TUSC3: variants seen among roughly 807,000 people sequenced by gnomAD.
TUSC3 encodes tumor suppressor candidate 3, also known as dolichyl-diphosphooligosaccharide--protein glycosyltransferase subunit TUSC3.
A neutral mutation model predicts 44.8 loss-of-function variants in TUSC3; 45 were observed. That is an observed-to-expected ratio of 1.00 (90% CI 0.79 to 1.29). The LOEUF is 1.29. Ranked by LOEUF, TUSC3 falls within the 50% of genes most tolerant of loss-of-function variation. TUSC3 has a pLI of 0.00. For synonymous variants in TUSC3, 212 were observed against 152.9 expected, an observed-to-expected ratio of 1.39 and a Z score of -2.85; for missense variants, 519 against 437.9, an observed-to-expected ratio of 1.19 and a Z score of -1.65.
At position 15,517,630 on chromosome 8, in the gene TUSC3, C is replaced by A. The variant is rs78927882; in HGVS notation, n.189+34147C>A. On this transcript the variant is annotated intron_variant and non_coding_transcript_variant, in intron 2 of 5. Transcript: ENST00000503191. Reference sequence around the variant, plus strand: ...CTTCCTGGAAAACTTACAAAATTTACGAATGTATACCTCAAAAGGAGACTT... The same window carrying A: ...CTTCCTGGAAAACTTACAAAATTTAAGAATGTATACCTCAAAAGGAGACTT... Among the ~76,000 whole-genome samples the A allele has an allele frequency of 4.5e-3, 633 of 141,488 alleles. 5 individuals carry two copies. The highest frequency in any genetic ancestry group is 0.016 in the African/African-American group (597 of 37,220). 92.8% of individuals were successfully genotyped at this position (141,488 alleles called of 152,430 possible). A position where few individuals can be genotyped will look rare whatever the true frequency, so the allele number is the denominator to read the frequency against.
At chr8:15,724,371 G>A (rs1410753184) in intron 6 of TUSC3, among the ~76,000 whole-genome samples, 1 of 152,140 alleles carries the variant, frequency 6.6e-6, no homozygotes, top group Non-Finnish European at 1.5e-5. Flanking sequence ...AAGCAGATCT[G>A]TCATTTTATA....
chr8:15,510,352 G>C (rs1009738088), intron 2 of TUSC3, among the ~76,000 whole-genome samples: 1 of 152,056 alleles, frequency 6.6e-6, no homozygotes, highest in Non-Finnish European at 1.5e-5. Flanking sequence ...GTTCTAAAAA[G>C]ACTGATCAGG....
intron 1 of TUSC3, among the ~76,000 whole-genome samples, chr8:15,423,582 C>G (rs1363107290): frequency 6.6e-6 from 1 of 152,172 alleles, no homozygotes; most frequent in Non-Finnish European, 1.5e-5. Flanking sequence ...TGATTTAATT[C>G]TTACTCGATT....
At chr8:15,430,245 C>T (rs866723927) in intron 1 of TUSC3, among the ~76,000 whole-genome samples, 7 of 130,682 alleles carry the variant, frequency 5.4e-5, no homozygotes, top group South Asian at 2.5e-4. Flanking sequence ...TACTGGCAAA[C>T]GGAATCCAGC....
At chr8:15,468,417 A>G (rs994056822) in intron 1 of TUSC3, among the ~76,000 whole-genome samples, 3 of 152,150 alleles carry the variant, frequency 2.0e-5, no homozygotes, top group African/African-American at 7.2e-5. Context: ...GACACATTCA[A>G]CATAGCCATG....
intron 1 of TUSC3, among the ~76,000 whole-genome samples, chr8:15,440,258 C>G (rs906765408): frequency 6.6e-6 from 1 of 152,080 alleles, no homozygotes; most frequent in Non-Finnish European, 1.5e-5. Flanking sequence ...GGAAACAACA[C>G]ATGCAAAGTC....
intron 7 of TUSC3, among the ~76,000 whole-genome samples, chr8:15,732,061 G>A (rs1349701782): frequency 6.6e-6 from 1 of 152,128 alleles, no homozygotes; most frequent in Non-Finnish European, 1.5e-5. Context: ...AAATGAGATA[G>A]CACACATTAA....
At chr8:15,472,820 T>C (rs1156637849) in intron 1 of TUSC3, among the ~76,000 whole-genome samples, 4 of 152,240 alleles carry the variant, frequency 2.6e-5, no homozygotes, top group Admixed American at 2.6e-4. Context: ...TGCCATTAAA[T>C]GGCAAATGCT....
intron 1 of TUSC3, among the ~76,000 whole-genome samples, chr8:15,607,306 A>C (rs1804573063): frequency 6.6e-6 from 1 of 152,154 alleles, no homozygotes; most frequent in African/African-American, 2.4e-5. Context: ...GTGATGGTAG[A>C]GACAGTTCTA....
At chr8:15,815,136 T>G in the TUSC3 span, among the ~76,000 whole-genome samples, 1 of 152,198 alleles carries the variant, frequency 6.6e-6, no homozygotes, top group Non-Finnish European at 1.5e-5. Flanking sequence ...AATTGAATAA[T>G]AAACTGCTAG....
At position 15,669,559 on chromosome 8, in the gene TUSC3, G is replaced by GTTTC. The variant is rs1563163777; in HGVS notation, c.709-4188_709-4187insTTTC. Among the ~76,000 whole-genome samples, 292 of 151,798 alleles carry GTTTC rather than the reference G, an allele frequency of 1.9e-3. 1 individual carries two copies. The highest frequency in any genetic ancestry group is 6.9e-3 in the African/African-American group (285 of 41,474). On this transcript the variant is annotated intron_variant, in intron 5 of 10. Transcript: ENST00000503731. ...TTGTCAAGTTATTTCACTAATACAA[G>GTTTC]AATGGTTTACCATGTGAAAATTATC...
the TUSC3 span, among the ~76,000 whole-genome samples, chr8:15,845,799 G>C: frequency 1.3e-5 from 2 of 152,050 alleles, no homozygotes; most frequent in Non-Finnish European, 2.9e-5. Context: ...AACATTATAG[G>C]CCAGTGTTGT....
At position 15,669,729 on chromosome 8, in the gene TUSC3, C is replaced by T. The variant is rs1807856549; in HGVS notation, c.709-4018C>T. Among the ~76,000 whole-genome samples, 3 of 151,718 alleles carry T rather than the reference C, an allele frequency of 2.0e-5. 1 individual carries two copies. The South Asian group carries it at 6.2e-4, about 31-fold the overall frequency. ...TTCCTTAATCTGATTAAAAAACATA[C>T]AGTAAACATCATATTTGGCAACTTC... On this transcript the variant is annotated intron_variant, in intron 5 of 10. Transcript: ENST00000503731.
intron 1 of TUSC3, among the ~76,000 whole-genome samples, chr8:15,480,316 A>G (rs1800640937): frequency 1.3e-5 from 2 of 152,210 alleles, no homozygotes; most frequent in African/African-American, 4.8e-5. Flanking sequence ...TTCTTCACAT[A>G]ATTAGAAAAA....
intron 1 of TUSC3, among the ~76,000 whole-genome samples, chr8:15,589,701 C>G (rs1803742908): frequency 1.4e-5 from 2 of 143,978 alleles, no homozygotes; most frequent in African/African-American, 5.0e-5. Context: ...AAATGCATGT[C>G]TGATTATTTT....
At chr8:15,446,184 G>A (rs1388948655) in intron 1 of TUSC3, among the ~76,000 whole-genome samples, 2 of 151,380 alleles carry the variant, frequency 1.3e-5, no homozygotes, top group Non-Finnish European at 2.9e-5. Context: ...TCGGGGCAGA[G>A]GCGCTCCCCA....
rs564356704 is a variant in TUSC3 at position 15,462,102 on chromosome 8, A to G, written n.92-21284A>G. 1.4e-4 allele frequency among the ~76,000 whole-genome samples: 22 copies of G among 152,180 alleles called. 1 individual carries two copies. Among genetic ancestry groups the G allele is most frequent in the African/African-American group, 5.1e-4 (21 of 41,558 alleles). ...ACAAAAATTGTTTAGCAGCCAGGAG[A>G]GAAGCATTTAATAGCTTTTAGGTTG... On this transcript the variant is annotated intron_variant and non_coding_transcript_variant, in intron 1 of 5. Transcript: ENST00000503191.
chr8:15,620,623 C>G (rs1301726731), intron 1 of TUSC3, among the ~76,000 whole-genome samples: 6 of 152,022 alleles, frequency 3.9e-5, no homozygotes, highest in African/African-American at 1.4e-4. Flanking sequence ...AGTATGCATT[C>G]TTGTGTTTTG....
At chr8:15,599,262 T>C (rs1254333002) in intron 1 of TUSC3, among the ~76,000 whole-genome samples, 2 of 151,864 alleles carry the variant, frequency 1.3e-5, no homozygotes, top group Non-Finnish European at 2.9e-5. Flanking sequence ...CTTTGGCCCA[T>C]TTTAAAATTG....
Sources: allele counts gnomAD v4.1 joint callset (sites outside exome capture counted in the v4.1 genomes callset), GRCh38; gene constraint gnomAD v4.1.1; transcripts MANE v1.5; gene names NCBI Gene and HGNC (gene_info 2026-07-23, HGNC 2026-07-21).